SLC30A4: variants seen among roughly 807,000 people sequenced by gnomAD.
SLC30A4 encodes solute carrier family 30 member 4, also known as probable proton-coupled zinc antiporter SLC30A4.
A neutral mutation model predicts 41.7 loss-of-function variants in SLC30A4; 20 were observed. The observed-to-expected ratio is 0.48, with a 90% confidence interval of 0.34 to 0.70. The LOEUF (loss-of-function observed/expected upper bound fraction) is 0.70, where lower values mean the gene tolerates loss of function less well. Ranked by LOEUF, SLC30A4 falls within the 30% of genes least tolerant of loss-of-function variation. The pLI is 0.01. For synonymous variants in SLC30A4, 181 were observed against 195.9 expected (o/e 0.92, Z 0.64); for missense variants, 441 against 529.3 (o/e 0.83, Z 1.64).
intron 2 of SLC30A4, among the ~76,000 whole-genome samples, chr15:45,514,672 G>A (rs1364196635): frequency 2.7e-5 from 4 of 150,214 alleles, no homozygotes; most frequent in Non-Finnish European, 5.9e-5. Flanking sequence ...GCGCCACCAC[G>A]CCCGGCTAAT....
rs80136638 is a variant in SLC30A4 at position 45,504,811 on chromosome 15, T to C, written c.538+6327A>G. Among the ~76,000 whole-genome samples the C allele has an allele frequency of 1.4e-4, 22 of 152,288 alleles. No individual in the cohort carries two copies. In the East Asian group the frequency reaches 4.2e-3, roughly 29 times the overall value. ...TGGAGGCACAAAGATGTTAGGTAAC[T>C]TGCCCAAGGTCAAACTGGTAGGAAG... On this transcript the variant is annotated intron_variant, in intron 3 of 7. Coordinates refer to ENST00000261867, the MANE Select transcript of SLC30A4 (RefSeq NM_013309.6).
At chr15:45,491,632 C>G (rs774066287) in intron 3 of SLC30A4, among the ~76,000 whole-genome samples, 1 of 152,136 alleles carries the variant, frequency 6.6e-6, no homozygotes, top group Non-Finnish European at 1.5e-5. Context: ...CAGGGTGGCA[C>G]GTCTCACACA....
intron 4 of SLC30A4, among the ~76,000 whole-genome samples, chr15:45,489,432 T>G (rs571790283): frequency 6.6e-6 from 1 of 151,824 alleles, no homozygotes; most frequent in South Asian, 2.1e-4. Flanking sequence ...TGGAAGAGTG[T>G]TCTAGGCGGA....
chr15:45,487,542 C>T lies in SLC30A4; in HGVS notation c.985G>A (p.Val329Ile), dbSNP rs779700864. The T allele has an allele frequency of 4.3e-5, 63 of 1,481,354 alleles. No homozygotes were observed. The highest frequency in any genetic ancestry group is 8.4e-5 in the Admixed American group (5 of 59,786). 91.8% of individuals were successfully genotyped at this position (1,481,354 alleles called of 1,614,324 possible). The change falls in exon 6 of 8, where the codon GTT becomes ATT. Residue 329 changes from valine (V) to isoleucine (I), a missense_variant. Val to Ile is a conservative substitution (Grantham distance 29). Around this residue, in one of 3 missense-constraint regions of SLC30A4, gnomAD observed 100 missense variants for 121.0 expected, o/e 0.83. Coordinates refer to ENST00000261867, the MANE Select transcript of SLC30A4 (RefSeq NM_013309.6). Reference sequence around the variant, plus strand: ...GAGATCTTACCTTCTAGTATTATAACTACTGTATCCCATATGATTCGAAAT... The same window carrying T: ...GAGATCTTACCTTCTAGTATTATAATTACTGTATCCCATATGATTCGAAAT... ...TTFRIIWDTVVIILEGVPSHL... is the reference protein window; with the variant it reads ...TTFRIIWDTVIIILEGVPSHL...
intron 4 of SLC30A4, among the ~76,000 whole-genome samples, chr15:45,490,089 A>AT (rs1486420553): frequency 3.3e-5 from 5 of 152,122 alleles, no homozygotes; most frequent in Non-Finnish European, 7.4e-5. Flanking sequence ...CAACTTTATT[A>AT]TTTTTTGTTT....
At position 45,483,175 on chromosome 15, in the gene SLC30A4, T is replaced by C. The variant is rs1232739031; in HGVS notation, c.*1988A>G. ...TATTGACACCATTAACTCCCAACAA[T>C]CTTATAGGTAAATCTGGGTTTTCTT... On this transcript the variant is annotated 3_prime_UTR_variant, in exon 8 of 8. Transcript: ENST00000261867. 6.6e-6 allele frequency: 1 copy of C among 152,184 alleles called. No homozygotes were observed. Among genetic ancestry groups the C allele is most frequent in the Non-Finnish European group, 1.5e-5 (1 of 68,038 alleles). The allele number at this position is 152,184 out of a possible 1,614,324, so 9.4% of individuals were successfully genotyped here.
In SLC30A4 at chr15:45,522,029, T is replaced by A. The variant is rs748802359; in HGVS notation, c.326A>T (p.Lys109Met). ...SKQREILKQR[K>M]VKARLTIAAV... The stretch of plus-strand genomic sequence containing the variant: ...AGCAATGGTCAACCTGGCTTTCACC[T>A]TTCTCTGCTTCAGTATCTCTCTCTG... The change falls in exon 2 of 8, where the codon AAG becomes ATG. Residue 109 changes from lysine (K) to methionine (M), a missense_variant. By Grantham distance (95) the Lys-to-Met change is moderately conservative. Coordinates refer to ENST00000261867, the MANE Select transcript of SLC30A4 (RefSeq NM_013309.6). 4 of 1,614,222 alleles carry A rather than the reference T, an allele frequency of 2.5e-6. No individual in the cohort carries two copies. The highest frequency in any genetic ancestry group is 8.5e-7 in the Non-Finnish European group (1 of 1,180,032).
Position 45,485,062 on chromosome 15 carries a change from C to T in SLC30A4, c.*101G>A. On this transcript the variant is annotated 3_prime_UTR_variant, in exon 8 of 8. Coordinates refer to ENST00000261867, the MANE Select transcript of SLC30A4 (RefSeq NM_013309.6). ...GAGAGACTGATGCTTGATACGGACA[C>T]AGCTGTCAGGGATTCCATTTTCTCA... 1 of 859,430 alleles carries T rather than the reference C, an allele frequency of 1.2e-6. No individual in the cohort carries two copies. Among genetic ancestry groups the T allele is most frequent in the South Asian group, 1.7e-5 (1 of 59,262 alleles). 53.2% of individuals were successfully genotyped at this position (859,430 alleles called of 1,614,324 possible).
intron 2 of SLC30A4, among the ~76,000 whole-genome samples, chr15:45,515,079 G>T (rs1346672320): frequency 2.0e-5 from 3 of 151,306 alleles, no homozygotes; most frequent in Non-Finnish European, 4.4e-5. Flanking sequence ...TAGAGACAAG[G>T]TGTCACTATG....
intron 7 of SLC30A4, among the ~76,000 whole-genome samples, chr15:45,485,693 G>A (rs1891686934): frequency 1.3e-5 from 2 of 150,786 alleles, no homozygotes; most frequent in East Asian, 3.9e-4. Flanking sequence ...TTCCTATGTA[G>A]AAAAGAGCAT....
At chr15:45,500,658 ATCTATATG>A (rs1317262771) in intron 3 of SLC30A4, among the ~76,000 whole-genome samples, 2 of 126,808 alleles carry the variant, frequency 1.6e-5, no homozygotes, top group Admixed American at 7.7e-5. Flanking sequence ...CTATCTATCT[ATCTATATG>A]TTTTTGTTTT....
Position 45,480,382 on chromosome 15 carries a change from A to G in SLC30A4, c.*4781T>C, listed in dbSNP as rs1463557564. The G allele has an allele frequency of 6.6e-6, 1 of 152,196 alleles. No individual in the cohort carries two copies. The highest frequency in any genetic ancestry group is 2.4e-5 in the African/African-American group (1 of 41,446). The allele number at this position is 152,196 out of a possible 1,614,324, so 9.4% of individuals were successfully genotyped here. A position where few individuals can be genotyped will look rare whatever the true frequency, so the allele number is the denominator to read the frequency against. ...TTGGCAATCAGTAAAACAAATCTCA[A>G]GACCTGGTTGTCAAGATTCATACGA... On this transcript the variant is annotated 3_prime_UTR_variant, in exon 8 of 8. Transcript: ENST00000261867.
chr15:45,511,358 G>A, intron 2 of SLC30A4, 74 bp from the exon 3 acceptor site: 1 of 973,966 alleles, frequency 1.0e-6, no homozygotes, highest in Non-Finnish European at 1.5e-6. Flanking sequence ...CTAGAAATAT[G>A]CAATATCCTA....
intron 3 of SLC30A4, among the ~76,000 whole-genome samples, chr15:45,491,510 T>A (rs577831989): frequency 6.6e-6 from 1 of 152,198 alleles, no homozygotes; most frequent in Non-Finnish European, 1.5e-5. Context: ...AAGGATCACT[T>A]GAGCCCATGA....
At chr15:45,503,426 G>C (rs1482612417) in intron 3 of SLC30A4, among the ~76,000 whole-genome samples, 1 of 151,930 alleles carries the variant, frequency 6.6e-6, no homozygotes, top group African/African-American at 2.4e-5. Flanking sequence ...AGACCAGCAT[G>C]GCCAATATGG....
chr15:45,480,591 C>G lies in SLC30A4; in HGVS notation c.*4572G>C, dbSNP rs1891588050. The G allele has an allele frequency of 6.6e-6, 1 of 152,154 alleles. No homozygotes were observed. The highest frequency in any genetic ancestry group is 1.5e-5 in the Non-Finnish European group (1 of 68,034). The allele number at this position is 152,154 out of a possible 1,614,324, so 9.4% of individuals were successfully genotyped here. ...TCAAAGACAAAATGAACCAAATGAA[C>G]TAATCTTCTATCTAGGAAACACTCT... On this transcript the variant is annotated 3_prime_UTR_variant, in exon 8 of 8. Coordinates refer to ENST00000261867, the MANE Select transcript of SLC30A4 (RefSeq NM_013309.6).
At chr15:45,508,446 C>T (rs531287910) in intron 3 of SLC30A4, among the ~76,000 whole-genome samples, 7 of 152,264 alleles carry the variant, frequency 4.6e-5, no homozygotes, top group African/African-American at 1.7e-4. Flanking sequence ...CCGTTTTCAG[C>T]CCCAATTCTC....
Position 45,484,151 on chromosome 15 carries a change from C to T in SLC30A4, c.*1012G>A, listed in dbSNP as rs146439024. The stretch of plus-strand genomic sequence containing the variant: ...ATATGTGAAAGGTGGGAATTATAAA[C>T]TGAACCCTCTAGAGTTTACCCTGAA... On this transcript the variant is annotated 3_prime_UTR_variant, in exon 8 of 8. Transcript: ENST00000261867. 41 of 152,670 alleles carry T rather than the reference C, an allele frequency of 2.7e-4. No homozygotes were observed. The highest frequency in any genetic ancestry group is 9.9e-4 in the African/African-American group (41 of 41,536). 9.5% of individuals were successfully genotyped at this position (152,670 alleles called of 1,614,324 possible).
At chr15:45,513,718 C>G (rs1892369676) in intron 2 of SLC30A4, 1 of 152,126 alleles carries the variant, frequency 6.6e-6, no homozygotes, top group South Asian at 2.1e-4. Context: ...GCCTTGAAAA[C>G]CAACAGGCCA....
Sources: gnomAD v4.1 joint callset for allele counts (sites outside exome capture counted in the v4.1 genomes callset) on GRCh38, gnomAD v4.1.1 for gene constraint, gnomAD v4.1.1 regional missense constraint, MANE v1.5 for transcripts, NCBI Gene and HGNC (gene_info 2026-07-23, HGNC 2026-07-21) for gene names.